Variants in ACSL3 observed in about 807,000 individuals in gnomAD.
ACSL3 encodes acyl-CoA synthetase long chain family member 3.
Under a neutral mutation model 84.7 loss-of-function variants are expected in ACSL3, and 34 were observed. The ratio of observed to expected loss-of-function variants is 0.40; its 90% CI spans 0.31 to 0.53. The LOEUF is 0.53. Among genes scored for constraint, ACSL3 ranks in the 20% least tolerant of loss-of-function variants. ACSL3 has a pLI of 0.48. For synonymous variants in ACSL3, 315 were observed against 299.4 expected (o/e 1.05, Z -0.54); for missense variants, 680 against 873.1 (o/e 0.78, Z 2.79).
chr2:222,886,104 C>T (rs1200610390), intron 1 of ACSL3, among the ~76,000 whole-genome samples: 1 of 152,044 alleles, frequency 6.6e-6, no homozygotes, highest in Non-Finnish European at 1.5e-5. Context: ...GCAGAACGTG[C>T]AGGTTTACAT....
chr2:222,903,632 T>C (rs1455198634), intron 3 of ACSL3, among the ~76,000 whole-genome samples: 1 of 152,246 alleles, frequency 6.6e-6, no homozygotes, highest in Non-Finnish European at 1.5e-5. Flanking sequence ...TTGTCCAGAA[T>C]TTATAAAATT....
chr2:222,884,993 A>G (rs991001257), intron 1 of ACSL3, among the ~76,000 whole-genome samples: 1 of 152,172 alleles, frequency 6.6e-6, no homozygotes, highest in African/African-American at 2.4e-5. Flanking sequence ...AGTTTTTGCC[A>G]CGTTAAAGTG....
chr2:222,864,387 A>G (rs1223477849), intron 1 of ACSL3, among the ~76,000 whole-genome samples: 2 of 152,176 alleles, frequency 1.3e-5, no homozygotes, highest in Non-Finnish European at 1.5e-5. Flanking sequence ...TGGGGAGGCT[A>G]TAGAATAAGA....
At chr2:222,929,923 C>CT (rs56685446) in intron 13 of ACSL3, among the ~76,000 whole-genome samples, 27 of 77,338 alleles carry the variant, frequency 3.5e-4, no homozygotes, top group South Asian at 5.4e-4. Flanking sequence ...TAGTAACTCA[C>CT]TTTTTTTTTT....
chr2:222,880,494 C>T (rs193197831), intron 1 of ACSL3, among the ~76,000 whole-genome samples: 59 of 151,960 alleles, frequency 3.9e-4, no homozygotes, highest in Non-Finnish European at 5.9e-4. Context: ...ACTATATTTC[C>T]GTTTCAATTT....
Position 222,941,874 on chromosome 2 carries a change from A to T in ACSL3, c.*220A>T, listed in dbSNP as rs1422948410. The stretch of plus-strand genomic sequence containing the variant: ...TTCCCCGCCACCAACTTACTTTACC[A>T]CCTATGACTGTACTTGTCAGTATGA... On this transcript the variant is annotated 3_prime_UTR_variant, in exon 17 of 17. Transcript: ENST00000357430. The T allele has an allele frequency of 2.2e-6, 1 of 452,396 alleles. No individual in the cohort carries two copies. The allele number at this position is 452,396 out of a possible 1,614,324, so 28.0% of individuals were successfully genotyped here.
rs1451405226 is a variant in ACSL3, at chr2:222,941,674, G to C, written c.*20G>C. The C allele has an allele frequency of 6.2e-7, 1 of 1,605,020 alleles. No individual in the cohort carries two copies. The highest frequency in any genetic ancestry group is 8.5e-7 in the Non-Finnish European group (1 of 1,176,572). ...AAATAATTATTCTCTTCTGGCATCA[G>C]TTTGCTACAGTGAGCTCAGATCAAA... On this transcript the variant is annotated 3_prime_UTR_variant, in exon 17 of 17. Coordinates refer to ENST00000357430, the MANE Select transcript of ACSL3 (RefSeq NM_004457.5).
intron 16 of ACSL3, among the ~76,000 whole-genome samples, chr2:222,941,205 C>T (rs1051206595): frequency 3.3e-5 from 5 of 152,162 alleles, no homozygotes; most frequent in East Asian, 1.9e-4. Context: ...ACTGGGATTA[C>T]AGGCATGAGC....
At chr2:222,935,775 G>A (rs1574569349) in intron 16 of ACSL3, among the ~76,000 whole-genome samples, 1 of 151,998 alleles carries the variant, frequency 6.6e-6, no homozygotes, top group Non-Finnish European at 1.5e-5. Flanking sequence ...TTTTATTGTA[G>A]TAAAAATCTC....
At chr2:222,927,373 A>G (rs1022875691) in intron 12 of ACSL3, among the ~76,000 whole-genome samples, 184 bp downstream of exon 12, 1 of 152,238 alleles carries the variant, frequency 6.6e-6, no homozygotes, top group Non-Finnish European at 1.5e-5. Context: ...TCTGGAGTCA[A>G]TAATTTATCT....
intron 16 of ACSL3, among the ~76,000 whole-genome samples, chr2:222,937,686 C>G (rs1038237703): frequency 6.6e-6 from 1 of 151,998 alleles, no homozygotes; most frequent in African/African-American, 2.4e-5. Flanking sequence ...TACGCATGCC[C>G]TTGGATCTAA....
At chr2:222,921,570 AAGGAC>A (rs1696739904) in intron 8 of ACSL3, 140 bp downstream of exon 8, 1 of 799,148 alleles carries the variant, frequency 1.3e-6, no homozygotes, top group African/African-American at 1.7e-5. Flanking sequence ...AAAAATAAAA[AAGGAC>A]ATTAAAATTA....
chr2:222,900,552 T>TCCAA (rs1696116263), intron 2 of ACSL3, 122 bp from the exon 3 acceptor site: 1 of 152,158 alleles, frequency 6.6e-6, no homozygotes, highest in Non-Finnish European at 1.5e-5. Flanking sequence ...CTACCAACCA[T>TCCAA]GCAACCACTG....
intron 3 of ACSL3, among the ~76,000 whole-genome samples, chr2:222,901,026 C>A (rs1208115740): frequency 6.6e-6 from 1 of 152,116 alleles, no homozygotes. Context: ...TGTGTGGTGC[C>A]ATAACTTCTA....
At chr2:222,892,480 A>ACTCTGAGAGATTAATTCTGGGTAG (rs1695866431) in intron 2 of ACSL3, among the ~76,000 whole-genome samples, 1 of 151,654 alleles carries the variant, frequency 6.6e-6, no homozygotes, top group Non-Finnish European at 1.5e-5. Flanking sequence ...TTCCATTATA[A>ACTCTGAGAGATTAATTCTGGGTAG]CTCTGAGAGA....
chr2:222,873,950 GT>G (rs1468075228), intron 1 of ACSL3, among the ~76,000 whole-genome samples: 4 of 152,192 alleles, frequency 2.6e-5, no homozygotes, highest in Non-Finnish European at 5.9e-5. Flanking sequence ...TCCCAGAGAG[GT>G]TGTACTTATA....
intron 1 of ACSL3, among the ~76,000 whole-genome samples, chr2:222,864,266 C>A (rs943129347): frequency 7.9e-5 from 12 of 152,112 alleles, no homozygotes; most frequent in Non-Finnish European, 1.8e-4. Flanking sequence ...GCCTTTGAGG[C>A]CTTTATTGAG....
chr2:222,863,373 T>C (rs1234970436), intron 1 of ACSL3, among the ~76,000 whole-genome samples: 1 of 152,214 alleles, frequency 6.6e-6, no homozygotes, highest in Non-Finnish European at 1.5e-5. Flanking sequence ...TTTGGGAAGT[T>C]GTCAGCAACA....
intron 3 of ACSL3, among the ~76,000 whole-genome samples, chr2:222,907,773 AG>A (rs1186500835): frequency 8.3e-4 from 118 of 142,826 alleles, no homozygotes; most frequent in African/African-American, 2.7e-3. Context: ...AAAAAAAAAA[AG>A]GTATTATTAC....
Sources: gnomAD v4.1 joint callset for allele counts (sites outside exome capture counted in the v4.1 genomes callset) on GRCh38, gnomAD v4.1.1 for gene constraint, MANE v1.5 for transcripts, NCBI Gene and HGNC (gene_info 2026-07-23, HGNC 2026-07-21) for gene names.